MRPL20: variants seen among roughly 807,000 people sequenced by gnomAD.
The protein encoded by MRPL20 is large ribosomal subunit protein bL20m.
A neutral mutation model predicts 20.0 loss-of-function variants in MRPL20; 21 were observed. That is an observed-to-expected ratio of 1.05 (90% CI 0.74 to 1.51). The LOEUF is 1.51. Among genes scored for constraint, MRPL20 ranks in the 40% most tolerant of loss-of-function variants. MRPL20 has a pLI of 0.00. For missense variants in MRPL20, 252 were observed against 185.6 expected (o/e 1.36, Z -2.08); for synonymous variants, 104 against 73.0 (o/e 1.43, Z -2.17).
intron 2 of MRPL20, 100 bp from the exon 3 acceptor site, chr1:1,405,986 T>C (rs995562846): frequency 2.7e-6 from 4 of 1,478,336 alleles, no homozygotes; most frequent in African/African-American, 1.4e-5. Context: ...TAAAAGTAAA[T>C]AGCAAAATCA....
Position 1,402,144 on chromosome 1 carries a change from G to A in MRPL20, c.389C>T (p.Ala130Val), listed in dbSNP as rs763657881. The A allele has an allele frequency of 9.9e-6, 16 of 1,614,050 alleles. No homozygotes were observed. The highest frequency in any genetic ancestry group is 1.3e-5 in the African/African-American group (1 of 74,932). Residue 130 changes from alanine (A) to valine (V), a missense_variant, in exon 4 of 4, where the codon GCT (alanine) becomes GTT (valine). By Grantham distance (64) the Ala-to-Val change is moderately conservative. Coordinates refer to ENST00000344843, the MANE Select transcript of MRPL20 (RefSeq NM_017971.4). ...AGGTTCCTTCCCATCCCCCAAGGCA[G>A]CAGCAAATCCTTCGTGTCGCCTCCT... is the stretch of plus-strand genomic sequence containing the variant. ...ASRRRHEGFA[A>V]ALGDGKEPEG...
chr1:1,405,631 C>A, intron 3 of MRPL20, 178 bp downstream of exon 3: 4 of 1,135,260 alleles, frequency 3.5e-6, no homozygotes, highest in Non-Finnish European at 5.2e-6. Flanking sequence ...CATATTGATA[C>A]CACACTTAAC....
chr1:1,404,119 A>G (rs1304395438), intron 3 of MRPL20, among the ~76,000 whole-genome samples: 1 of 151,488 alleles, frequency 6.6e-6, no homozygotes, highest in Non-Finnish European at 1.5e-5. Flanking sequence ...TACTGGGATT[A>G]CAAGTGTAAG....
At position 1,405,920 on chromosome 1, in the gene MRPL20, G is replaced by T; in HGVS notation, c.199-34C>A. On this transcript the variant is annotated intron_variant, in intron 2 of 3. Transcript: ENST00000344843. ...AGAAAACATGAAGATACTTAAAAAT[G>T]ACTTCTGGATGTTATGTCCCAGCAA... 1.9e-6 allele frequency: 3 copies of T among 1,594,554 alleles called. No homozygotes were observed. In the South Asian group the frequency reaches 3.4e-5, roughly 18 times the overall value.
chr1:1,406,808 G>T, intron 2 of MRPL20, 101 bp downstream of exon 2: 1 of 983,884 alleles, frequency 1.0e-6, no homozygotes, highest in East Asian at 2.4e-5. Flanking sequence ...GAAAGGAAGG[G>T]GCTGAGGGTG....
At position 1,405,901 on chromosome 1, in the gene MRPL20, C is replaced by T. The variant is rs751652065; in HGVS notation, c.199-15G>A. 103 of 1,599,084 alleles carry T rather than the reference C, an allele frequency of 6.4e-5. No homozygotes were observed. The highest frequency in any genetic ancestry group is 8.2e-5 in the Non-Finnish European group (96 of 1,170,034). On this transcript the variant is annotated splice_polypyrimidine_tract_variant and intron_variant, in intron 2 of 3. Transcript: ENST00000344843. ...TTAATCCAGAGCTGAAATAAGAAAA[C>T]ATGAAGATACTTAAAAATGACTTCT... is the stretch of plus-strand genomic sequence containing the variant.
chr1:1,407,268 G>T lies in MRPL20; in HGVS notation c.-51C>A. On this transcript the variant is annotated 5_prime_UTR_variant, in exon 1 of 4. Transcript: ENST00000344843. ...CACTCAACAACGCACGCGCAGCGCC[G>T]CTGCCATCTTGCCCGGGTCGGAAAT... The T allele has an allele frequency of 1.4e-6, 2 of 1,476,926 alleles. No homozygotes were observed. The highest frequency in any genetic ancestry group is 1.2e-5 in the South Asian group (1 of 83,816). 91.5% of individuals were successfully genotyped at this position (1,476,926 alleles called of 1,614,324 possible).
chr1:1,402,304 T>C (rs752903302), intron 3 of MRPL20, 48 bp from the exon 4 acceptor site: 3 of 1,556,650 alleles, frequency 1.9e-6, no homozygotes, highest in Non-Finnish European at 2.6e-6. Context: ...AGACACACAC[T>C]CCGGCTCCGC....
chr1:1,401,980 G>T lies in MRPL20; in HGVS notation c.*103C>A. On this transcript the variant is annotated 3_prime_UTR_variant, in exon 4 of 4. Transcript: ENST00000344843. ...TGAGGCTCTGTCCCAGAGAGACAGG[G>T]CCATCCCTCATGTCTGTTATTGGGT... 1 of 1,294,378 alleles carries T rather than the reference G, an allele frequency of 7.7e-7. No homozygotes were observed. Among genetic ancestry groups the T allele is most frequent in the Non-Finnish European group, 1.1e-6 (1 of 934,532 alleles). The allele number at this position is 1,294,378 out of a possible 1,614,324, so 80.2% of individuals were successfully genotyped here.
chr1:1,403,105 A>G lies in MRPL20; in HGVS notation c.277-849T>C, dbSNP rs1321629003. The stretch of plus-strand genomic sequence containing the variant: ...GATCGCGCCACTTCACTCCAGCCTG[A>G]GCAACAGAGTGAGATTGTATCCAAA... On this transcript the variant is annotated intron_variant, in intron 3 of 3. Transcript: ENST00000344843. 1.1e-4 allele frequency among the ~76,000 whole-genome samples: 16 copies of G among 148,928 alleles called. No individual in the cohort carries two copies. The East Asian group carries it at 2.9e-3, about 27-fold the overall frequency.
chr1:1,406,491 A>G (rs1645385410), intron 2 of MRPL20: 1 of 211,478 alleles, frequency 4.7e-6, no homozygotes, highest in Non-Finnish European at 9.7e-6. Flanking sequence ...CCGGGTGGGC[A>G]GAGCTTGGCA....
rs376076439 is a variant in MRPL20 at position 1,405,928 on chromosome 1, G to A, written c.199-42C>T. 2.8e-5 allele frequency: 44 copies of A among 1,588,168 alleles called. No homozygotes were observed. In the African/African-American group the frequency reaches 4.1e-4, roughly 15 times the overall value. On this transcript the variant is annotated intron_variant, in intron 2 of 3. Transcript: ENST00000344843. ...TGAAGATACTTAAAAATGACTTCTG[G>A]ATGTTATGTCCCAGCAAAGCCTCTA... is the stretch of plus-strand genomic sequence containing the variant.
chr1:1,405,102 GC>G (rs1205524467), intron 3 of MRPL20: 7 of 153,926 alleles, frequency 4.5e-5, no homozygotes, highest in East Asian at 3.8e-4. Context: ...CAATTCTCCT[GC>G]CTCAGCCTCC....
chr1:1,403,334 C>T (rs899445924), intron 3 of MRPL20, among the ~76,000 whole-genome samples: 5 of 151,526 alleles, frequency 3.3e-5, no homozygotes, highest in South Asian at 2.1e-4. Context: ...AGCTCCACCT[C>T]CCAGGTTCAT....
chr1:1,402,322 C>G (rs1320032330), intron 3 of MRPL20, 66 bp from the exon 4 acceptor site: 2 of 1,521,392 alleles, frequency 1.3e-6, no homozygotes, highest in South Asian at 2.6e-5. Context: ...CGCGTGGTTG[C>G]GGCGCTGGCT....
At chr1:1,402,313 G>A (rs1303483315) in intron 3 of MRPL20, 57 bp from the exon 4 acceptor site, 15 of 1,536,692 alleles carry the variant, frequency 9.8e-6, no homozygotes, top group East Asian at 2.3e-5. Context: ...CTCCGGCTCC[G>A]CGTGGTTGCG....
chr1:1,403,463 C>T (rs1224603154), intron 3 of MRPL20, among the ~76,000 whole-genome samples: 7 of 151,932 alleles, frequency 4.6e-5, no homozygotes, highest in Non-Finnish European at 1.0e-4. Flanking sequence ...AGGATGGTCT[C>T]GATCTCCTGA....
At chr1:1,406,725 G>A in intron 2 of MRPL20, 184 bp downstream of exon 2, 1 of 622,732 alleles carries the variant, frequency 1.6e-6, no homozygotes, top group Non-Finnish European at 2.9e-6. Context: ...GGGTGGCGGC[G>A]GGGCGGGAGA....
intron 3 of MRPL20, 108 bp downstream of exon 3, chr1:1,405,701 G>A (rs1645376593): frequency 6.3e-7 from 1 of 1,580,690 alleles, no homozygotes; most frequent in Non-Finnish European, 8.7e-7. Flanking sequence ...GGGATCCTCT[G>A]GCCTCAGCCT....
Sources: allele counts gnomAD v4.1 joint callset (sites outside exome capture counted in the v4.1 genomes callset), GRCh38; gene constraint gnomAD v4.1.1; transcripts MANE v1.5; gene names NCBI Gene and HGNC (gene_info 2026-07-23, HGNC 2026-07-21).